Variants in DHX36 observed in about 807,000 individuals in gnomAD.
DHX36 encodes the protein ATP-dependent DNA/RNA helicase DHX36.
Under a neutral mutation model 139.0 loss-of-function variants are expected in DHX36, and 50 were observed. The ratio of observed to expected loss-of-function variants is 0.36; its 90% CI spans 0.29 to 0.46. DHX36 has a LOEUF of 0.46. DHX36 is among the 20% of genes least tolerant of loss of function. The pLI is 1.00. For synonymous variants in DHX36, 425 were observed against 401.9 expected, an observed-to-expected ratio of 1.06 and a Z score of -0.69; for missense variants, 1,024 against 1,211.3, an observed-to-expected ratio of 0.85 and a Z score of 2.29.
chr3:154,280,336 G>A (rs1362673001), intron 22 of DHX36: 1 of 411,848 alleles, frequency 2.4e-6, no homozygotes, highest in Non-Finnish European at 4.3e-6. Context: ...TATTTACACT[G>A]GTATCATGTG....
chr3:154,283,950 G>A (rs1445668106), intron 19 of DHX36, among the ~76,000 whole-genome samples: 1 of 152,046 alleles, frequency 6.6e-6, no homozygotes, highest in Non-Finnish European at 1.5e-5. Flanking sequence ...TGAATAGAAA[G>A]AGACTGTCAT....
intron 8 of DHX36, 86 bp downstream of exon 8, chr3:154,304,720 G>T: frequency 1.0e-6 from 1 of 965,774 alleles, no homozygotes; most frequent in Non-Finnish European, 1.4e-6. Context: ...CATTCATTTT[G>T]ACTACTCTTT....
In DHX36 at chr3:154,301,361, T is replaced by A. The variant is rs571543071; in HGVS notation, c.1218-234A>T. On this transcript the variant is annotated intron_variant, in intron 9 of 24. Coordinates refer to ENST00000496811, the MANE Select transcript of DHX36 (RefSeq NM_020865.3). ...AGTATATAAACCTATAGATCATTTT[T>A]AGTCAAAAATTTAGAAAAAGACTAA... 3.9e-5 allele frequency among the ~76,000 whole-genome samples: 6 copies of A among 152,368 alleles called. No individual in the cohort carries two copies. In the South Asian group the frequency reaches 1.2e-3, roughly 32 times the overall value.
intron 1 of DHX36, among the ~76,000 whole-genome samples, chr3:154,321,902 G>A (rs1265969225): frequency 6.7e-6 from 1 of 150,208 alleles, no homozygotes; most frequent in Non-Finnish European, 1.5e-5. Flanking sequence ...ACTCCAGACT[G>A]GGCAACAGAG....
chr3:154,316,393 T>C (rs1712984030), intron 1 of DHX36, among the ~76,000 whole-genome samples: 1 of 152,104 alleles, frequency 6.6e-6, no homozygotes, highest in African/African-American at 2.4e-5. Context: ...TTTATAAAAT[T>C]AGCCCTAATA....
At chr3:154,277,531 C>A in intron 23 of DHX36, 67 bp downstream of exon 23, 3 of 1,466,302 alleles carry the variant, frequency 2.0e-6, no homozygotes, top group South Asian at 3.0e-5. Flanking sequence ...ATTGTTAAAA[C>A]TACACAATCA....
chr3:154,320,217 C>T (rs932060099), intron 1 of DHX36, among the ~76,000 whole-genome samples: 1 of 152,182 alleles, frequency 6.6e-6, no homozygotes, highest in African/African-American at 2.4e-5. Flanking sequence ...TCTAGCTGAT[C>T]TTTCCTAGAT....
At chr3:154,300,852 C>A in intron 10 of DHX36, 135 bp downstream of exon 10, 1 of 1,359,092 alleles carries the variant, frequency 7.4e-7, no homozygotes, top group South Asian at 1.3e-5. Flanking sequence ...GTCAAATCAG[C>A]ACAATATTTA....
chr3:154,323,152 T>C (rs1301500793), intron 1 of DHX36, among the ~76,000 whole-genome samples: 4 of 152,032 alleles, frequency 2.6e-5, no homozygotes, highest in Non-Finnish European at 5.9e-5. Context: ...CTGGCCAACA[T>C]GGTGAAACCC....
At position 154,284,984 on chromosome 3, in the gene DHX36, C is replaced by T. The variant is rs757655851; in HGVS notation, c.2035G>A (p.Ala679Thr). 4 of 1,614,010 alleles carry T rather than the reference C, an allele frequency of 2.5e-6. No homozygotes were observed. The highest frequency in any genetic ancestry group is 2.2e-5 in the South Asian group (2 of 91,070). The stretch of plus-strand genomic sequence containing the variant: ...GTCAATTCTTCTTGTTTATCCAAAG[C>T]GTTCTGTAAAGGAAGAGTGTGTGTT... ...LSIRHLMELN[A>T]LDKQEELTPL... Residue 679 changes from alanine (A) to threonine (T), a missense_variant, in exon 18 of 25, where the codon GCT (alanine) becomes ACT (threonine). Ala to Thr is a moderately conservative substitution (Grantham distance 58). This residue lies in a region of DHX36 where 470 missense variants were observed against 616.2 expected (regional missense o/e 0.76). Transcript: ENST00000496811.
At chr3:154,288,233 A>ACG (rs1379260276) in intron 17 of DHX36, among the ~76,000 whole-genome samples, 12 of 151,986 alleles carry the variant, frequency 7.9e-5, no homozygotes, top group African/African-American at 2.7e-4. Flanking sequence ...ATATTAAGTG[A>ACG]AATAATCCAG....
chr3:154,280,488 C>T, intron 22 of DHX36, 91 bp downstream of exon 22: 1 of 941,826 alleles, frequency 1.1e-6, no homozygotes, highest in South Asian at 1.6e-5. Flanking sequence ...TGAATAAGAA[C>T]AAATTTATAA....
intron 15 of DHX36, among the ~76,000 whole-genome samples, chr3:154,290,938 TC>T (rs1711776660): frequency 6.7e-6 from 1 of 150,358 alleles, no homozygotes; most frequent in Admixed American, 6.6e-5. Context: ...ATCGAGACCA[TC>T]CCGGCTAAAA....
At chr3:154,318,168 C>T (rs759673235) in intron 1 of DHX36, among the ~76,000 whole-genome samples, 6 of 152,004 alleles carry the variant, frequency 3.9e-5, no homozygotes, top group African/African-American at 7.2e-5. Flanking sequence ...GGAGGATAAC[C>T]TAATGTAATA....
Position 154,276,808 on chromosome 3 carries a change from G to A in DHX36, c.2780C>T (p.Thr927Ile). Residue 927 changes from threonine to isoleucine, a missense_variant, in exon 24 of 25, where the codon ACT becomes ATT. By Grantham distance (89) the Thr-to-Ile change is moderately conservative. Coordinates refer to ENST00000496811, the MANE Select transcript of DHX36 (RefSeq NM_020865.3). ...ISIQKDNDQE[T>I]IAVDEWIVFQ... ...TACAATCCACTCATCTACAGCAATA[G>A]TTTCCTGATCGTTATCCTTCTGGAT... 6.2e-7 allele frequency: 1 copy of A among 1,613,922 alleles called. No individual in the cohort carries two copies. The highest frequency in any genetic ancestry group is 8.5e-7 in the Non-Finnish European group (1 of 1,179,936).
At position 154,303,371 on chromosome 3, in the gene DHX36, G is replaced by A. The variant is rs754091943; in HGVS notation, c.1175C>T (p.Pro392Leu). Reference protein sequence around the residue: ...PMIHIPGFTFPVVEYLLEDVI... With the variant: ...PMIHIPGFTFLVVEYLLEDVI... ...ATCTTCCAAAAGATATTCCACAACC[G>A]GAAAGGTAAAACCAGGTATATGTAT... The change falls in exon 9 of 25, where the codon CCG becomes CTG. Residue 392 changes from proline (P) to leucine (L), a missense_variant. By Grantham distance (98) the Pro-to-Leu change is moderately conservative. Coordinates refer to ENST00000496811, the MANE Select transcript of DHX36 (RefSeq NM_020865.3). The A allele has an allele frequency of 1.3e-5, 21 of 1,605,036 alleles. No homozygotes were observed. Among genetic ancestry groups the A allele is most frequent in the South Asian group, 6.8e-5 (6 of 88,334 alleles).
At chr3:154,315,817 T>C (rs978632242) in intron 2 of DHX36, among the ~76,000 whole-genome samples, 1 of 152,082 alleles carries the variant, frequency 6.6e-6, no homozygotes, top group African/African-American at 2.4e-5. Flanking sequence ...AACAACTTAA[T>C]ACATCTCATA....
At chr3:154,291,134 C>CAAAAT (rs1711790755) in intron 15 of DHX36, among the ~76,000 whole-genome samples, 1 of 61,050 alleles carries the variant, frequency 1.6e-5, no homozygotes, top group African/African-American at 6.8e-5. Flanking sequence ...GACTCCGTCT[C>CAAAAT]AAAAAAAAAA....
intron 4 of DHX36, among the ~76,000 whole-genome samples, chr3:154,311,279 G>A (rs1410832912): frequency 1.3e-5 from 2 of 151,990 alleles, no homozygotes; most frequent in Non-Finnish European, 2.9e-5. Context: ...ATTTTTAGTA[G>A]TACTTTTTTT....
Sources: gnomAD v4.1 joint callset for allele counts (sites outside exome capture counted in the v4.1 genomes callset) on GRCh38, gnomAD v4.1.1 for gene constraint, gnomAD v4.1.1 regional missense constraint, MANE v1.5 for transcripts, NCBI Gene and HGNC (gene_info 2026-07-23, HGNC 2026-07-21) for gene names.